The following SCMH1 variants were observed in gnomAD, a reference collection of about 807,000 sequenced individuals.
SCMH1 encodes the protein polycomb protein SCMH1.
In SCMH1, 37 loss-of-function variants were observed where a neutral mutation model predicts 70.8. The observed-to-expected ratio is 0.52, with a 90% CI of 0.40 to 0.69. The LOEUF is 0.69. SCMH1 is among the 30% of genes least tolerant of loss of function. SCMH1 has a pLI of 0.00. For synonymous variants in SCMH1, 292 were observed against 307.4 expected (o/e 0.95, Z 0.52); for missense variants, 607 against 827.3 (o/e 0.73, Z 3.27).
intron 6 of SCMH1, among the ~76,000 whole-genome samples, chr1:41,119,291 C>G (rs1186308633): frequency 6.6e-6 from 1 of 152,176 alleles, no homozygotes; most frequent in African/African-American, 2.4e-5. Context: ...AGTCCCAAAG[C>G]TGGCTAGGCT....
rs1485608482 is a variant in SCMH1, at chr1:41,113,454, G to A, written c.574C>T (p.His192Tyr). 2.5e-6 allele frequency: 4 copies of A among 1,614,042 alleles called. No individual in the cohort carries two copies. The highest frequency in any genetic ancestry group is 3.3e-5 in the Admixed American group (2 of 60,006). The change falls in exon 8 of 15, where the codon CAT becomes TAT. Residue 192 changes from histidine to tyrosine, a missense_variant. Physicochemically the swap from His to Tyr is moderately conservative, Grantham distance 83. Coordinates refer to ENST00000337495, the Ensembl canonical transcript of SCMH1. The surrounding 1 kb of genome is among the most constrained non-coding windows in gnomAD (Gnocchi z 4.3). Reference sequence around the variant, plus strand: ...CCAATAGTGGCTGGGCAAATGAAATGAGGGTTCTTCCTGTCCACAGCTTCT... The same window carrying A: ...CCAATAGTGGCTGGGCAAATGAAATAAGGGTTCTTCCTGTCCACAGCTTCT...
At chr1:41,047,376 C>T (rs887258829) in intron 11 of SCMH1, among the ~76,000 whole-genome samples, 1 of 151,162 alleles carries the variant, frequency 6.6e-6, no homozygotes, top group African/African-American at 2.4e-5. Context: ...GCTTAATTTC[C>T]CAGGCACTTC....
chr1:41,141,094 A>G (rs1183769314), intron 6 of SCMH1, among the ~76,000 whole-genome samples: 2 of 152,248 alleles, frequency 1.3e-5, no homozygotes, highest in Non-Finnish European at 2.9e-5. Flanking sequence ...TGTGTGAACT[A>G]TATCTCAAAA....
exon 10 of SCMH1, chr1:41,070,627 G>C (rs1474094850): frequency 6.2e-7 from 1 of 1,614,148 alleles, no homozygotes; most frequent in Non-Finnish European, 8.5e-7. Context: ...GCTGGGGATG[G>C]TGGCAGCATC....
intron 8 of SCMH1, among the ~76,000 whole-genome samples, chr1:41,112,783 T>C (rs1669555165): frequency 6.6e-6 from 1 of 152,216 alleles, no homozygotes; most frequent in African/African-American, 2.4e-5. Flanking sequence ...GTAAATTAAC[T>C]GCCCAAAGCT....
intron 9 of SCMH1, 146 bp downstream of exon 9, chr1:41,075,073 A>G (rs1295366850): frequency 1.4e-6 from 1 of 731,086 alleles, no homozygotes; most frequent in South Asian, 1.7e-5. Flanking sequence ...CGTGTTAGCC[A>G]GGATGGTCTC....
chr1:41,108,682 C>T (rs1572198787), intron 8 of SCMH1, among the ~76,000 whole-genome samples: 1 of 152,240 alleles, frequency 6.6e-6, no homozygotes, highest in East Asian at 1.9e-4. Flanking sequence ...AAAAGAGAGG[C>T]AGCAGACAGC....
intron 1 of SCMH1, among the ~76,000 whole-genome samples, chr1:41,211,712 C>A (rs1034852229): frequency 3.3e-5 from 5 of 152,188 alleles, no homozygotes; most frequent in African/African-American, 1.2e-4. Flanking sequence ...AAGACACATG[C>A]ACACATATGT....
At chr1:41,228,525 G>A (rs558399695) in intron 1 of SCMH1, among the ~76,000 whole-genome samples, 10 of 152,212 alleles carry the variant, frequency 6.6e-5, no homozygotes, top group South Asian at 4.1e-4. Context: ...GCTCACGCCT[G>A]TAATCCCAGC....
chr1:41,230,946 T>C (rs1661184987), intron 1 of SCMH1, among the ~76,000 whole-genome samples: 1 of 152,232 alleles, frequency 6.6e-6, no homozygotes, highest in South Asian at 2.1e-4. Context: ...GAGTAGATTA[T>C]TATTGCTTGC....
At chr1:41,157,519 GAC>G (rs1645651329) in intron 4 of SCMH1, among the ~76,000 whole-genome samples, 1 of 152,198 alleles carries the variant, frequency 6.6e-6, no homozygotes, top group Admixed American at 6.5e-5. Flanking sequence ...CCTCTGAAAA[GAC>G]ACAGACTTTC....
At chr1:41,110,912 G>C (rs1347763906) in intron 8 of SCMH1, among the ~76,000 whole-genome samples, 1 of 152,110 alleles carries the variant, frequency 6.6e-6, no homozygotes, top group Non-Finnish European at 1.5e-5. Flanking sequence ...AGCAATGATC[G>C]AGAATTCCAG....
chr1:41,233,851 A>C (rs142285238), intron 1 of SCMH1, among the ~76,000 whole-genome samples: 1 of 152,330 alleles, frequency 6.6e-6, no homozygotes, highest in Non-Finnish European at 1.5e-5. Flanking sequence ...AACTTACTGC[A>C]CAAGAGCACA....
chr1:41,097,201 T>C (rs1407854040), intron 8 of SCMH1, among the ~76,000 whole-genome samples: 1 of 152,204 alleles, frequency 6.6e-6, no homozygotes, highest in African/African-American at 2.4e-5. Context: ...ACAACTAGTC[T>C]TCTTAATTTG....
chr1:41,222,953 A>T (rs1338293370), intron 1 of SCMH1, among the ~76,000 whole-genome samples: 6 of 152,272 alleles, frequency 3.9e-5, no homozygotes, highest in Middle Eastern at 6.8e-3. Context: ...ATACATTTAT[A>T]TTATTGTACT....
chr1:41,101,081 A>G (rs1035362888), intron 8 of SCMH1, among the ~76,000 whole-genome samples: 2 of 152,120 alleles, frequency 1.3e-5, no homozygotes, highest in Non-Finnish European at 2.9e-5. Flanking sequence ...AAACTATACA[A>G]TCTCAAAAAT....
In SCMH1 at chr1:41,055,989, TAG is replaced by T. The variant is rs1650127071; in HGVS notation, c.1106-7101_1106-7100del. 2.6e-5 allele frequency among the ~76,000 whole-genome samples: 4 copies of T among 152,204 alleles called. No homozygotes were observed. The South Asian group carries it at 8.3e-4, about 32-fold the overall frequency. The stretch of plus-strand genomic sequence containing the variant: ...ATGTTAATAATCCATGTCCAGAGAA[TAG>T]AGAGGTAGTTTTAAAATATGGCCCA... On this transcript the variant is annotated intron_variant, in intron 10 of 14. Transcript: ENST00000337495.
intron 6 of SCMH1, among the ~76,000 whole-genome samples, chr1:41,117,531 C>T (rs1670800266): frequency 6.6e-6 from 1 of 151,446 alleles, no homozygotes; most frequent in Non-Finnish European, 1.5e-5. Context: ...AGAGAAGACT[C>T]TACTCCTCCA....
intron 13 of SCMH1, among the ~76,000 whole-genome samples, chr1:41,034,635 T>A (rs1012563447): frequency 6.6e-6 from 1 of 152,106 alleles, no homozygotes; most frequent in African/African-American, 2.4e-5. Flanking sequence ...CCGAGGTGAC[T>A]TTTTTTCATT....
Sources: gnomAD v4.1 joint callset for allele counts (sites outside exome capture counted in the v4.1 genomes callset) on GRCh38, gnomAD v4.1.1 for gene constraint, Gnocchi (gnomAD v3.1) non-coding constraint, MANE v1.5 for transcripts, NCBI Gene and HGNC (gene_info 2026-07-23, HGNC 2026-07-21) for gene names.